Variants in DENND2B observed in about 807,000 individuals in gnomAD.
DENND2B encodes the protein DENN domain-containing protein 2B.
Under a neutral mutation model 116.0 loss-of-function variants are expected in DENND2B, and 32 were observed. The observed-to-expected ratio is 0.28, with a 90% CI of 0.21 to 0.37. The LOEUF (loss-of-function observed/expected upper bound fraction) is 0.37, where lower values mean the gene tolerates loss of function less well. DENND2B is among the 10% of genes least tolerant of loss of function. The pLI is 1.00. For synonymous variants in DENND2B, 588 were observed against 583.9 expected, an observed-to-expected ratio of 1.01 and a Z score of -0.10; for missense variants, 1,276 against 1,477.7, an observed-to-expected ratio of 0.86 and a Z score of 2.24.
chr11:8,701,314 T>C (rs2041566715), intron 14 of DENND2B, among the ~76,000 whole-genome samples: 1 of 119,324 alleles, frequency 8.4e-6, no homozygotes, highest in Non-Finnish European at 1.6e-5. Flanking sequence ...CATTCGCATA[T>C]TAAAAGGCTA....
Position 8,731,004 on chromosome 11 carries a change from T to C in DENND2B, c.286A>G (p.Thr96Ala). Residue 96 changes from threonine to alanine, a missense_variant, in exon 3 of 20, where the codon ACC becomes GCC. Physicochemically the swap from Thr to Ala is moderately conservative, Grantham distance 58. Coordinates refer to ENST00000313726, the MANE Select transcript of DENND2B (RefSeq NM_213618.2). ...CTGTCCAAATAACCGAAGCTGGCGGTCTTGAAGGGACAGGTGGGTGGGGAA... is the reference window on the plus strand; with the variant it reads ...CTGTCCAAATAACCGAAGCTGGCGGCCTTGAAGGGACAGGTGGGTGGGGAA... Reference protein sequence around the residue: ...DTSPPTCPFKTASFGYLDRSP... With the variant: ...DTSPPTCPFKAASFGYLDRSP... The C allele has an allele frequency of 1.2e-6, 2 of 1,614,128 alleles. No homozygotes were observed. The highest frequency in any genetic ancestry group is 1.7e-6 in the Non-Finnish European group (2 of 1,180,020).
intron 1 of DENND2B, among the ~76,000 whole-genome samples, chr11:8,753,294 T>C (rs2134063484): frequency 6.6e-6 from 1 of 152,022 alleles, no homozygotes; most frequent in South Asian, 2.1e-4. Context: ...AATCTGAAAA[T>C]GAAATTAAGA....
intron 1 of DENND2B, among the ~76,000 whole-genome samples, chr11:8,756,044 A>C (rs145416115): frequency 4.6e-5 from 7 of 152,336 alleles, no homozygotes; most frequent in Admixed American, 1.3e-4. Context: ...ACAGTGCTAT[A>C]GGAATCAACT....
chr11:8,828,261 C>T (rs2062054329), intron 4 of DENND2B, among the ~76,000 whole-genome samples: 1 of 152,194 alleles, frequency 6.6e-6, no homozygotes, highest in South Asian at 2.1e-4. Context: ...GCCTCATGAC[C>T]TTGACTTCCT....
chr11:8,786,644 T>C (rs2058929837), intron 1 of DENND2B, among the ~76,000 whole-genome samples: 1 of 152,112 alleles, frequency 6.6e-6, no homozygotes, highest in Admixed American at 6.5e-5. Context: ...AACCCATCTC[T>C]ACAAAAAGTT....
At chr11:8,888,017 G>A (rs1281165964) in intron 1 of DENND2B, among the ~76,000 whole-genome samples, 1 of 152,326 alleles carries the variant, frequency 6.6e-6, no homozygotes, top group East Asian at 1.9e-4. Context: ...GAAGGAGACA[G>A]CATTCTGGTG....
At chr11:8,908,846 T>C (rs773696819) in intron 1 of DENND2B, among the ~76,000 whole-genome samples, 2 of 152,192 alleles carry the variant, frequency 1.3e-5, no homozygotes, top group Non-Finnish European at 2.9e-5. Context: ...CACATTCTGT[T>C]CTCCACAACT....
intron 1 of DENND2B, chr11:8,909,704 T>C (rs2064290000): frequency 6.6e-6 from 1 of 152,186 alleles, no homozygotes; most frequent in Non-Finnish European, 1.5e-5. Context: ...TTGCAAAAGT[T>C]AAGTAGCATA....
In DENND2B at chr11:8,717,689, C is replaced by T. The variant is rs201095255; in HGVS notation, c.1629+52G>A. ...GGCCCAAGTCTTGGAAGAGCAGGCCCCCACTGTGGCCCTCACGCTAACCCT... is the reference window on the plus strand; with the variant it reads ...GGCCCAAGTCTTGGAAGAGCAGGCCTCCACTGTGGCCCTCACGCTAACCCT... On this transcript the variant is annotated intron_variant, in intron 5 of 19. Coordinates refer to ENST00000313726, the MANE Select transcript of DENND2B (RefSeq NM_213618.2). 5.4e-6 allele frequency: 8 copies of T among 1,482,524 alleles called. No homozygotes were observed. The South Asian group carries it at 8.9e-5, about 17-fold the overall frequency. The allele number at this position is 1,482,524 out of a possible 1,614,324, so 91.8% of individuals were successfully genotyped here.
intron 4 of DENND2B, among the ~76,000 whole-genome samples, chr11:8,720,700 A>T (rs1012059019): frequency 1.3e-5 from 2 of 152,150 alleles, no homozygotes; most frequent in African/African-American, 4.8e-5. Flanking sequence ...GAGCTGTCTC[A>T]AATAGATTCT....
At chr11:8,719,092 T>A (rs867819222) in intron 4 of DENND2B, 34 of 985,374 alleles carry the variant, frequency 3.5e-5, no homozygotes, top group Non-Finnish European at 4.0e-5. Flanking sequence ...TGTCTGAATG[T>A]GCCTTACGCC....
chr11:8,884,756 C>T (rs2063942599), intron 1 of DENND2B, among the ~76,000 whole-genome samples: 1 of 152,126 alleles, frequency 6.6e-6, no homozygotes, highest in South Asian at 2.1e-4. Context: ...CTTTATTACT[C>T]CACCCTTTAA....
At chr11:8,824,813 G>A (rs913508976) in intron 4 of DENND2B, among the ~76,000 whole-genome samples, 10 of 149,772 alleles carry the variant, frequency 6.7e-5, no homozygotes, top group Admixed American at 1.3e-4. Context: ...CTCAGCCTCC[G>A]AGTAGCTAGG....
intron 4 of DENND2B, chr11:8,839,240 C>T (rs79757644): frequency 0.021 from 3,193 of 152,104 alleles, 45 homozygotes; most frequent in Middle Eastern, 0.037. Flanking sequence ...GGATCTTTGC[C>T]GGGGGAACTG....
chr11:8,801,150 C>T (rs901979426), intron 1 of DENND2B, among the ~76,000 whole-genome samples: 1 of 151,896 alleles, frequency 6.6e-6, no homozygotes, highest in African/African-American at 2.4e-5. Flanking sequence ...TCATACAACA[C>T]ATATTACTCC....
At chr11:8,781,615 TACACACACACAC>T (rs35118063) in intron 1 of DENND2B, among the ~76,000 whole-genome samples, 4 of 148,912 alleles carry the variant, frequency 2.7e-5, no homozygotes, top group African/African-American at 9.9e-5. Context: ...AATTTAGGAA[TACACACACACAC>T]ACACACACAC....
At chr11:8,737,025 T>C (rs1001419700) in intron 2 of DENND2B, among the ~76,000 whole-genome samples, 1 of 152,166 alleles carries the variant, frequency 6.6e-6, no homozygotes, top group African/African-American at 2.4e-5. Flanking sequence ...AGGGTACTGG[T>C]AGAGACGGAT....
chr11:8,806,640 C>CACACACA (rs1555201307), intron 1 of DENND2B, among the ~76,000 whole-genome samples: 4 of 9,300 alleles, frequency 4.3e-4, no homozygotes, highest in East Asian at 4.9e-3. Context: ...ACACACACAC[C>CACACACA]CAGGAGAGCT....
chr11:8,772,864 TGGG>T (rs1305847832), intron 1 of DENND2B, among the ~76,000 whole-genome samples: 117 of 152,254 alleles, frequency 7.7e-4, no homozygotes, highest in African/African-American at 2.6e-3. Context: ...CCCAACTCCT[TGGG>T]TATGCTTACA....
Sources: gnomAD v4.1 joint callset for allele counts (sites outside exome capture counted in the v4.1 genomes callset) on GRCh38, gnomAD v4.1.1 for gene constraint, MANE v1.5 for transcripts, NCBI Gene and HGNC (gene_info 2026-07-23, HGNC 2026-07-21) for gene names.